The following NCOA3 variants were observed in gnomAD, a reference collection of about 807,000 sequenced individuals.
The protein encoded by NCOA3 is CBP-interacting protein.
In NCOA3, 51 loss-of-function variants were observed where a neutral mutation model predicts 158.8. That is an observed-to-expected ratio of 0.32 (90% confidence interval 0.26 to 0.41). The LOEUF (loss-of-function observed/expected upper bound fraction) is 0.41, where lower values mean the gene tolerates loss of function less well. NCOA3 is among the 10% of genes least tolerant of loss of function. The pLI, the probability that NCOA3 is intolerant of heterozygous loss-of-function variation, is 1.00. For synonymous variants in NCOA3, 537 were observed against 592.4 expected, an observed-to-expected ratio of 0.91 and a Z score of 1.36; for missense variants, 1,510 against 1,746.6, an observed-to-expected ratio of 0.86 and a Z score of 2.41.
At chr20:47,642,711 A>G (rs2086630504) in intron 17 of NCOA3, among the ~76,000 whole-genome samples, 1 of 152,172 alleles carries the variant, frequency 6.6e-6, no homozygotes. Context: ...CATTTTTATA[A>G]CTATCTTTCT....
chr20:47,540,029 G>A lies in NCOA3; in HGVS notation c.-99+38010G>A, dbSNP rs530233433. ...GATATTACTATCTTCATTTGAGAGA[G>A]GAGGAAATTGAAGCTCATGGGTTAA... is the stretch of plus-strand genomic sequence containing the variant. On this transcript the variant is annotated intron_variant, in intron 1 of 22. Transcript: ENST00000371998. Among the ~76,000 whole-genome samples, 10 of 152,292 alleles carry A rather than the reference G, an allele frequency of 6.6e-5. No individual in the cohort carries two copies. The East Asian group carries it at 1.9e-3, about 29-fold the overall frequency.
At chr20:47,625,908 A>G (rs2086314922) in intron 5 of NCOA3, among the ~76,000 whole-genome samples, 1 of 152,236 alleles carries the variant, frequency 6.6e-6, no homozygotes, top group South Asian at 2.1e-4. Context: ...TAGCACTTAC[A>G]TTGTATTAGG....
chr20:47,570,982 A>C (rs1602419144), intron 1 of NCOA3, among the ~76,000 whole-genome samples: 1 of 80,448 alleles, frequency 1.2e-5, no homozygotes, highest in African/African-American at 4.9e-5. Flanking sequence ...GTATATACAT[A>C]TATGTGTGTG....
chr20:47,592,780 G>A (rs1300805537), intron 2 of NCOA3, among the ~76,000 whole-genome samples: 2 of 152,176 alleles, frequency 1.3e-5, no homozygotes, highest in African/African-American at 4.8e-5. Context: ...TCAAATTGCA[G>A]AAAATTGAAG....
intron 1 of NCOA3, among the ~76,000 whole-genome samples, chr20:47,548,017 C>T (rs2084861688): frequency 6.6e-6 from 1 of 151,876 alleles, no homozygotes; most frequent in Admixed American, 6.6e-5. Context: ...AGGTGTGAGC[C>T]ACCATGCTCA....
At chr20:47,639,518 G>A (rs1170550636) in intron 14 of NCOA3, 59 bp from the exon 15 acceptor site, 2 of 1,584,926 alleles carry the variant, frequency 1.3e-6, no homozygotes, top group East Asian at 4.5e-5. Context: ...GTACTTACAT[G>A]GTATAAGAAG....
At chr20:47,538,432 A>G (rs2084669583) in intron 1 of NCOA3, among the ~76,000 whole-genome samples, 1 of 152,234 alleles carries the variant, frequency 6.6e-6, no homozygotes, top group Non-Finnish European at 1.5e-5. Context: ...TGTAACTGCA[A>G]TTGGAAGAGC....
chr20:47,525,806 A>G (rs1157378527), intron 1 of NCOA3, among the ~76,000 whole-genome samples: 2 of 103,290 alleles, frequency 1.9e-5, no homozygotes, highest in African/African-American at 4.0e-5. Context: ...CTGGCCGGGC[A>G]GAGGGGCTCC....
At chr20:47,582,828 T>A (rs891582197) in intron 1 of NCOA3, among the ~76,000 whole-genome samples, 28 of 152,222 alleles carry the variant, frequency 1.8e-4, no homozygotes, top group Admixed American at 1.5e-3. Context: ...AGAATCTCGC[T>A]CTGTCACCCT....
Position 47,653,574 on chromosome 20 carries a change from C to A in NCOA3, c.*157C>A. 1 of 896,490 alleles carries A rather than the reference C, an allele frequency of 1.1e-6. No homozygotes were observed. Among genetic ancestry groups the A allele is most frequent in the Non-Finnish European group, 1.8e-6 (1 of 571,264 alleles). 55.5% of individuals were successfully genotyped at this position (896,490 alleles called of 1,614,324 possible). On this transcript the variant is annotated 3_prime_UTR_variant, in exon 23 of 23. Transcript: ENST00000371998. ...TTTAAGTGATGTCATTTGAGCAGGA[C>A]TGGATTTTAAGCCGAAGGGCAATAT...
Position 47,656,024 on chromosome 20 carries a change from C to G in NCOA3, c.*2607C>G, listed in dbSNP as rs938317718. ...TGTACTCCTGCTGTCTACCTCTCCT[C>G]ACACCCCAGCACCCCCCATTTTTTC... On this transcript the variant is annotated 3_prime_UTR_variant, in exon 23 of 23. Transcript: ENST00000371998. 1.3e-5 allele frequency: 2 copies of G among 151,844 alleles called. No individual in the cohort carries two copies. The highest frequency in any genetic ancestry group is 6.6e-5 in the Admixed American group (1 of 15,208). 9.4% of individuals were successfully genotyped at this position (151,844 alleles called of 1,614,324 possible).
At chr20:47,641,875 G>A (rs1194889289) in intron 16 of NCOA3, among the ~76,000 whole-genome samples, 7 of 151,904 alleles carry the variant, frequency 4.6e-5, no homozygotes, top group African/African-American at 1.5e-4. Flanking sequence ...CTCCTTCACT[G>A]TTTTTGTGAG....
At chr20:47,502,542 T>C (rs748621843) in intron 1 of NCOA3, among the ~76,000 whole-genome samples, 5 of 151,862 alleles carry the variant, frequency 3.3e-5, no homozygotes, top group Admixed American at 6.6e-5. Flanking sequence ...ATTTAAAAAA[T>C]ATTTTAACAC....
At chr20:47,620,193 G>C (rs2086215475) in intron 2 of NCOA3, among the ~76,000 whole-genome samples, 1 of 152,148 alleles carries the variant, frequency 6.6e-6, no homozygotes, top group Admixed American at 6.5e-5. Context: ...ACTCACTGCA[G>C]CCTCAAACTC....
intron 1 of NCOA3, among the ~76,000 whole-genome samples, chr20:47,538,611 C>T (rs2084672547): frequency 6.6e-6 from 1 of 151,846 alleles, no homozygotes; most frequent in African/African-American, 2.4e-5. Context: ...GACCTCAGCT[C>T]ACTGCAACCT....
At chr20:47,558,561 C>T (rs1210500260) in intron 1 of NCOA3, among the ~76,000 whole-genome samples, 1 of 152,126 alleles carries the variant, frequency 6.6e-6, no homozygotes, top group Non-Finnish European at 1.5e-5. Context: ...CCACTGTTTG[C>T]ATCAGTTTCA....
At chr20:47,623,441 T>C (rs1056328806) in intron 3 of NCOA3, among the ~76,000 whole-genome samples, 2 of 152,212 alleles carry the variant, frequency 1.3e-5, no homozygotes, top group South Asian at 2.1e-4. Context: ...GTACTACTTC[T>C]CCAAGACAGC....
rs1176754105 is a variant in NCOA3 at position 47,639,110 on chromosome 20, A to G, written c.2615A>G (p.Asn872Ser). ...VSVGSSPPVK[N>S]ISAFPMLPKQ... is the part of the protein sequence containing the mutation. ...GTTGGCTCAAGTCCTCCAGTAAAAAATATCAGTGCTTTCCCCATGTTACCA... is the reference window on the plus strand; with the variant it reads ...GTTGGCTCAAGTCCTCCAGTAAAAAGTATCAGTGCTTTCCCCATGTTACCA... Residue 872 changes from asparagine to serine, a missense_variant, in exon 14 of 23, where the codon AAT (asparagine) becomes AGT (serine). Around this residue, in one of 4 missense-constraint regions of NCOA3, gnomAD observed 1,017 missense variants for 1,098.3 expected, o/e 0.93. Coordinates refer to ENST00000371998, the MANE Select transcript of NCOA3 (RefSeq NM_181659.3). 4 of 1,614,214 alleles carry G rather than the reference A, an allele frequency of 2.5e-6. No homozygotes were observed. Among genetic ancestry groups the G allele is most frequent in the Middle Eastern group, 3.3e-4 (2 of 6,062 alleles).
Position 47,635,650 on chromosome 20 carries a change from A to G in NCOA3, c.1441A>G (p.Met481Val). The G allele has an allele frequency of 6.2e-7, 1 of 1,614,172 alleles. No individual in the cohort carries two copies. Among genetic ancestry groups the G allele is most frequent in the Non-Finnish European group, 8.5e-7 (1 of 1,180,002 alleles). Residue 481 changes from methionine to valine, a missense_variant, in exon 11 of 23, where the codon ATG becomes GTG. Coordinates refer to ENST00000371998, the MANE Select transcript of NCOA3 (RefSeq NM_181659.3). ...PGLAPNQQNI[M>V]ISPRNRGSPK... The stretch of plus-strand genomic sequence containing the variant: ...TCTTGCCCCAAACCAGCAGAATATC[A>G]TGATTTCTCCTCGTAATCGTGGGAG...
Sources: allele counts gnomAD v4.1 joint callset (sites outside exome capture counted in the v4.1 genomes callset), GRCh38; gene constraint gnomAD v4.1.1; regional missense constraint gnomAD v4.1.1; transcripts MANE v1.5; gene names NCBI Gene and HGNC (gene_info 2026-07-23, HGNC 2026-07-21).